Variants in TRPV3 observed in about 807,000 individuals in gnomAD.
TRPV3 encodes transient receptor potential cation channel subfamily V member 3, also known as VRL-3.
A neutral mutation model predicts 87.1 loss-of-function variants in TRPV3; 88 were observed. The ratio of observed to expected loss-of-function variants is 1.01; its 90% confidence interval spans 0.85 to 1.21. The LOEUF (loss-of-function observed/expected upper bound fraction) is 1.21. Among genes scored for constraint, TRPV3 ranks in the 50% most tolerant of loss-of-function variants. The pLI, the probability that TRPV3 is intolerant of heterozygous loss-of-function variation, is 0.00. For synonymous variants in TRPV3, 438 were observed against 423.3 expected (o/e 1.03, Z -0.43); for missense variants, 1,054 against 1,030.1 (o/e 1.02, Z -0.32).
chr17:3,533,501 CTT>C (rs11378089), intron 7 of TRPV3, among the ~76,000 whole-genome samples: 14 of 139,224 alleles, frequency 1.0e-4, no homozygotes, highest in Non-Finnish European at 1.1e-4. Flanking sequence ...CTCTGCTTTA[CTT>C]TTTTTTTTTT....
At chr17:3,555,905 A>G (rs2074626272) in intron 1 of TRPV3, among the ~76,000 whole-genome samples, 1 of 151,912 alleles carries the variant, frequency 6.6e-6, no homozygotes, top group Admixed American at 6.6e-5. Context: ...AGGCAGGCAC[A>G]GTGGCTCACA....
chr17:3,525,090 G>A (rs2074285066), intron 12 of TRPV3, among the ~76,000 whole-genome samples: 1 of 152,206 alleles, frequency 6.6e-6, no homozygotes, highest in Non-Finnish European at 1.5e-5. Context: ...CATGAACTCT[G>A]CTCACTGCAA....
intron 11 of TRPV3, 36 bp downstream of exon 11, chr17:3,527,989 G>A (rs369982529): frequency 1.3e-4 from 208 of 1,542,964 alleles, no homozygotes; most frequent in Admixed American, 6.7e-5. Flanking sequence ...TGCCTGCCTC[G>A]CGGGGCGGTC....
At chr17:3,532,621 C>T in intron 8 of TRPV3, 36 bp downstream of exon 8, 2 of 1,607,844 alleles carry the variant, frequency 1.2e-6, no homozygotes, top group Non-Finnish European at 1.7e-6. Flanking sequence ...CTCCTGACCT[C>T]CCGACCTCCT....
At chr17:3,554,361 G>A (rs761032067) in intron 2 of TRPV3, 7 of 186,612 alleles carry the variant, frequency 3.8e-5, no homozygotes, top group African/African-American at 1.2e-4. Flanking sequence ...TGTGGAAAAC[G>A]TGCCCAACAG....
Position 3,549,210 on chromosome 17 carries a change from G to C in TRPV3, c.120-3939C>G, listed in dbSNP as rs535430963. On this transcript the variant is annotated intron_variant, in intron 2 of 17. Transcript: ENST00000576742. ...CAGTCTGTCCCCTGCTCCCCATCCC[G>C]CCCTACCTGTCTGCATTCCTCAGTG... is the stretch of plus-strand genomic sequence containing the variant. Among the ~76,000 whole-genome samples the C allele has an allele frequency of 3.2e-4, 48 of 152,038 alleles. 1 individual carries two copies. Among genetic ancestry groups the C allele is most frequent in the Admixed American group, 7.2e-4 (11 of 15,248 alleles).
rs2074399965 is a variant in TRPV3 at position 3,535,455 on chromosome 17, C to T, written c.784+118G>A. The T allele has an allele frequency of 4.6e-6, 5 of 1,086,714 alleles. No homozygotes were observed. The South Asian group carries it at 6.8e-5, about 15-fold the overall frequency. The allele number at this position is 1,086,714 out of a possible 1,614,324, so 67.3% of individuals were successfully genotyped here. On this transcript the variant is annotated intron_variant, in intron 7 of 17. Coordinates refer to ENST00000576742, the MANE Select transcript of TRPV3 (RefSeq NM_145068.4). ...CTCCCTCTCCCTCCTCACTTCCTTC[C>T]TCCTTCCCTCTTTCTTCCCCCCTCC...
chr17:3,513,795 C>G lies in TRPV3; in HGVS notation c.*122G>C. The G allele has an allele frequency of 6.4e-6, 5 of 785,722 alleles. No individual in the cohort carries two copies. The highest frequency in any genetic ancestry group is 1.1e-5 in the Non-Finnish European group (5 of 468,652). The allele number at this position is 785,722 out of a possible 1,614,324, so 48.7% of individuals were successfully genotyped here. A position where few individuals can be genotyped will look rare whatever the true frequency, so the allele number is the denominator to read the frequency against. Reference sequence around the variant, plus strand: ...CCACTGAGCACTGAGCACGAGGGTGCACTCTGCTTCTAGGCCAGCAGAGCC... The same window carrying G: ...CCACTGAGCACTGAGCACGAGGGTGGACTCTGCTTCTAGGCCAGCAGAGCC... On this transcript the variant is annotated 3_prime_UTR_variant, in exon 18 of 18. Transcript: ENST00000576742.
intron 1 of TRPV3, 46 bp from the exon 2 acceptor site, chr17:3,554,898 G>T: frequency 7.3e-7 from 1 of 1,374,282 alleles, no homozygotes; most frequent in Non-Finnish European, 1.0e-6. Flanking sequence ...GGGGACAGGG[G>T]GAGCTTCAGG....
Position 3,515,394 on chromosome 17 carries a change from C to T in TRPV3, c.2199-722G>A, listed in dbSNP as rs147878104. ...GTGTTCATGGGGCCGGGCACCGTGG[C>T]TCACGCCTGTAATCCCAGCACTTTG... On this transcript the variant is annotated intron_variant, in intron 16 of 17. Transcript: ENST00000576742. Among the ~76,000 whole-genome samples, 1,259 of 152,278 alleles carry T rather than the reference C, an allele frequency of 8.3e-3. 16 individuals are homozygous for T. The highest frequency in any genetic ancestry group is 0.035 in the South Asian group (168 of 4,826).
intron 6 of TRPV3, among the ~76,000 whole-genome samples, chr17:3,540,279 T>A (rs1387483152): frequency 6.6e-6 from 1 of 151,970 alleles, no homozygotes; most frequent in Non-Finnish European, 1.5e-5. Flanking sequence ...GCCCCTCTGC[T>A]CCGGGTGGAG....
At chr17:3,531,098 T>A (rs1255522117) in intron 8 of TRPV3, among the ~76,000 whole-genome samples, 1 of 151,094 alleles carries the variant, frequency 6.6e-6, no homozygotes, top group East Asian at 1.9e-4. Context: ...AAACCAAAAA[T>A]TCCCACAGCA....
intron 14 of TRPV3, among the ~76,000 whole-genome samples, chr17:3,520,047 G>C (rs1363540406): frequency 6.6e-6 from 1 of 152,064 alleles, no homozygotes; most frequent in African/African-American, 2.4e-5. Context: ...AATTAAATGA[G>C]AGAGTAAATA....
Position 3,514,809 on chromosome 17 carries a change from C to A in TRPV3, c.2199-137G>T, listed in dbSNP as rs1201363623. 6.6e-6 allele frequency: 4 copies of A among 610,662 alleles called. No individual in the cohort carries two copies. In the African/African-American group the frequency reaches 7.6e-5, roughly 12 times the overall value. The allele number at this position is 610,662 out of a possible 1,614,324, so 37.8% of individuals were successfully genotyped here. A position where few individuals can be genotyped will look rare whatever the true frequency, so the allele number is the denominator to read the frequency against. On this transcript the variant is annotated intron_variant, in intron 16 of 17. Transcript: ENST00000576742. Reference sequence around the variant, plus strand: ...CTAGAGATCAGGAGCACCCCTGACCCGAGGGGTCACACCAAAGTTGTTGGA... The same window carrying A: ...CTAGAGATCAGGAGCACCCCTGACCAGAGGGGTCACACCAAAGTTGTTGGA...
In TRPV3 at chr17:3,554,713, C is replaced by A; in HGVS notation, c.119+19G>T. On this transcript the variant is annotated intron_variant, in intron 2 of 17. Transcript: ENST00000576742. Reference sequence around the variant, plus strand: ...CCCTCACAGTGCCGCAGTCCGTGTCCCGAGCTCTCCAAACCCACCTCTTCT... The same window carrying A: ...CCCTCACAGTGCCGCAGTCCGTGTCACGAGCTCTCCAAACCCACCTCTTCT... 2 of 1,565,928 alleles carry A rather than the reference C, an allele frequency of 1.3e-6. No homozygotes were observed. Among genetic ancestry groups the A allele is most frequent in the Admixed American group, 1.7e-5 (1 of 58,866 alleles).
chr17:3,532,225 C>A (rs557970015), intron 8 of TRPV3, among the ~76,000 whole-genome samples: 1 of 152,234 alleles, frequency 6.6e-6, no homozygotes, highest in Non-Finnish European at 1.5e-5. Context: ...GAGTTCCAAC[C>A]GCACAAACAG....
chr17:3,519,672 C>CGATG (rs1366920086), intron 14 of TRPV3, among the ~76,000 whole-genome samples: 1 of 60,430 alleles, frequency 1.7e-5, no homozygotes, highest in Non-Finnish European at 3.2e-5. Flanking sequence ...ACTGATTGAT[C>CGATG]GATGGATGGA....
chr17:3,536,541 T>C (rs1254995020), intron 6 of TRPV3, among the ~76,000 whole-genome samples: 2 of 151,962 alleles, frequency 1.3e-5, no homozygotes, highest in South Asian at 2.1e-4. Flanking sequence ...TGAGCCGAGA[T>C]TGGTCCATTG....
At chr17:3,522,748 C>T (rs2074259126) in intron 13 of TRPV3, among the ~76,000 whole-genome samples, 1 of 147,478 alleles carries the variant, frequency 6.8e-6, no homozygotes, top group Admixed American at 7.0e-5. Context: ...GCCCGGGAGG[C>T]AGAGGTTGCA....
Sources: allele counts gnomAD v4.1 joint callset (sites outside exome capture counted in the v4.1 genomes callset), GRCh38; gene constraint gnomAD v4.1.1; transcripts MANE v1.5; gene names NCBI Gene and HGNC (gene_info 2026-07-23, HGNC 2026-07-21).